The following GPN1 variants were observed in gnomAD, a reference collection of about 807,000 sequenced individuals.
GPN1 encodes the protein ATP(GTP)-binding protein.
Under a neutral mutation model 55.9 loss-of-function variants are expected in GPN1, and 44 were observed. The ratio of observed to expected loss-of-function variants is 0.79; its 90% CI spans 0.62 to 1.01. GPN1 has a LOEUF of 1.01. Among genes scored for constraint, GPN1 ranks in the 50% least tolerant of loss-of-function variants. GPN1 has a pLI of 0.00. For missense variants in GPN1, 466 were observed against 462.8 expected (o/e 1.01, Z -0.06); for synonymous variants, 179 against 162.5 (o/e 1.10, Z -0.77).
chr2:27,638,946 A>G lies in GPN1; in HGVS notation c.632A>G (p.Asp211Gly). Residue 211 changes from aspartate to glycine, a missense_variant, in exon 9 of 14, where the codon GAT (aspartate) becomes GGT (glycine). Physicochemically the swap from Asp to Gly is moderately conservative, Grantham distance 94 (BLOSUM62 -1). Coordinates refer to ENST00000610189, the MANE Select transcript of GPN1 (RefSeq NM_007266.4). ...EWMQDFEAFQ[D>G]ALNQETTYVS... ...ATGCAGGATTTTGAGGCTTTCCAAG[A>G]TGCCTTGAATCAAGAGACTACATAC... 1.2e-6 allele frequency: 2 copies of G among 1,613,664 alleles called. No homozygotes were observed. Among genetic ancestry groups the G allele is most frequent in the Non-Finnish European group, 1.7e-6 (2 of 1,179,576 alleles).
At chr2:27,636,808 T>C (rs1673751966) in intron 7 of GPN1, among the ~76,000 whole-genome samples, 2 of 152,214 alleles carry the variant, frequency 1.3e-5, no homozygotes, top group Non-Finnish European at 2.9e-5. Flanking sequence ...AGAAAATTAT[T>C]TGATTTGCCT....
intron 7 of GPN1, among the ~76,000 whole-genome samples, chr2:27,636,437 A>G (rs909033672): frequency 4.6e-5 from 7 of 152,226 alleles, no homozygotes; most frequent in Non-Finnish European, 1.0e-4. Context: ...TGTGATCCAA[A>G]TAGAAATCTG....
chr2:27,632,888 G>C (rs1673604301), intron 5 of GPN1, among the ~76,000 whole-genome samples: 1 of 152,082 alleles, frequency 6.6e-6, no homozygotes, highest in Non-Finnish European at 1.5e-5. Context: ...AATTTACATG[G>C]CTTCTTAGGA....
chr2:27,646,273 C>T (rs1674225381), intron 12 of GPN1, among the ~76,000 whole-genome samples: 3 of 152,140 alleles, frequency 2.0e-5, no homozygotes, highest in Admixed American at 2.0e-4. Flanking sequence ...AACTCCTGAC[C>T]TCAGGTGATC....
At chr2:27,633,319 GT>G (rs139972025) in intron 5 of GPN1, among the ~76,000 whole-genome samples, 3,846 of 152,092 alleles carry the variant, frequency 0.025, 74 homozygotes, top group African/African-American at 0.051. Context: ...CTTTTGTTTT[GT>G]TTTGAGACAG....
chr2:27,628,576 C>G, upstream of GPN1: 6 of 1,551,554 alleles, frequency 3.9e-6, no homozygotes, highest in Non-Finnish European at 5.2e-6. Flanking sequence ...TGCTGCCCAG[C>G]AACCCTGGAG....
rs370932847 is a variant in GPN1 at position 27,629,836 on chromosome 2, A to T, written c.112-23A>T. 6 of 1,358,588 alleles carry T rather than the reference A, an allele frequency of 4.4e-6. No individual in the cohort carries two copies. In the African/African-American group the frequency reaches 7.1e-5, roughly 16 times the overall value. 84.2% of individuals were successfully genotyped at this position (1,358,588 alleles called of 1,614,324 possible). On this transcript the variant is annotated intron_variant, in intron 1 of 13. Transcript: ENST00000610189. ...CTTGTCCCCTCTTTGTCTCCTTCCA[A>T]CCCTCTCCCCATATCTCTGCAGAGG...
At position 27,629,143 on chromosome 2, in the gene GPN1, G is replaced by A; in HGVS notation, c.85G>A (p.Gly29Arg). The change falls in exon 1 of 14, where the codon GGA (glycine) becomes AGA (arginine). Residue 29 changes from glycine to arginine, a missense_variant. By Grantham distance (125) the Gly-to-Arg change is moderately radical. Coordinates refer to ENST00000610189, the MANE Select transcript of GPN1 (RefSeq NM_007266.4). ...PVCLLVLGMAGSGKTTFVQRL... is the reference protein window; with the variant it reads ...PVCLLVLGMARSGKTTFVQRL... ...GTGTCTGTTGGTGTTGGGAATGGCG[G>A]GATCCGGGAAAACCACTTTTGTACA... The A allele has an allele frequency of 6.2e-7, 1 of 1,614,242 alleles. No individual in the cohort carries two copies. The highest frequency in any genetic ancestry group is 8.5e-7 in the Non-Finnish European group (1 of 1,180,046).
intron 13 of GPN1, among the ~76,000 whole-genome samples, chr2:27,648,408 G>T (rs970817405): frequency 6.6e-6 from 1 of 152,008 alleles, no homozygotes; most frequent in East Asian, 1.9e-4. Context: ...AGTTCAAGCT[G>T]TTTGGGAGGC....
upstream of GPN1, chr2:27,628,353 G>A: frequency 6.6e-7 from 1 of 1,506,992 alleles, no homozygotes; most frequent in Non-Finnish European, 8.9e-7. Flanking sequence ...GGGACCTTCA[G>A]TGACTGGAGG....
chr2:27,632,986 C>T (rs572632715), intron 5 of GPN1, among the ~76,000 whole-genome samples: 1 of 152,234 alleles, frequency 6.6e-6, no homozygotes, highest in Admixed American at 6.5e-5. Context: ...TCTGAAATAC[C>T]TTTCTAATTC....
At chr2:27,628,314 C>T, upstream of GPN1, 2 of 1,331,924 alleles carry the variant, frequency 1.5e-6, no homozygotes, top group South Asian at 1.5e-5. Flanking sequence ...ATTTTCTAGG[C>T]TCTTTCATCA....
intron 8 of GPN1, 42 bp from the exon 9 acceptor site, chr2:27,638,843 T>C (rs1673833298): frequency 6.4e-7 from 1 of 1,554,684 alleles, no homozygotes; most frequent in African/African-American, 1.4e-5. Flanking sequence ...ATTTTGCGTT[T>C]GTTGGCTCTG....
At chr2:27,630,053 C>T (rs754845260) in intron 2 of GPN1, 101 bp downstream of exon 2, 31 of 726,004 alleles carry the variant, frequency 4.3e-5, no homozygotes, top group Middle Eastern at 2.4e-4. Flanking sequence ...TTTGGGAGGC[C>T]GAGGCAGGTA....
intron 10 of GPN1, among the ~76,000 whole-genome samples, chr2:27,640,871 A>G (rs1673918236): frequency 6.6e-6 from 1 of 152,164 alleles, no homozygotes. Flanking sequence ...GTATCCTTTC[A>G]CTGTTGTTGT....
At position 27,629,159 on chromosome 2, in the gene GPN1, CT is replaced by C; in HGVS notation, c.105del (p.Phe35LeufsTer18). The part of the protein sequence containing the change: ...VLGMAGSGKT[T>X]FVQRLTGHLH... Reference sequence around the variant, plus strand: ...GGAATGGCGGGATCCGGGAAAACCACTTTTGTACAGGTGACGTACACAGCAT... The same window carrying C: ...GGAATGGCGGGATCCGGGAAAACCACTTTGTACAGGTGACGTACACAGCAT... On this transcript the variant is annotated frameshift_variant, in exon 1 of 14. Coordinates refer to ENST00000610189, the MANE Select transcript of GPN1 (RefSeq NM_007266.4). LOFTEE classifies it high-confidence loss of function. The C allele has an allele frequency of 6.2e-7, 1 of 1,614,190 alleles. No homozygotes were observed. Among genetic ancestry groups the C allele is most frequent in the Non-Finnish European group, 8.5e-7 (1 of 1,180,024 alleles).
At chr2:27,642,990 C>CACACACACACACAT (rs1674033347) in intron 12 of GPN1, among the ~76,000 whole-genome samples, 1 of 150,810 alleles carries the variant, frequency 6.6e-6, no homozygotes, top group Non-Finnish European at 1.5e-5. Context: ...CACACACACA[C>CACACACACACACAT]ACACATACAT....
chr2:27,647,855 G>A lies in GPN1; in HGVS notation c.951G>A (p.Leu317=), dbSNP rs1381281864. The change falls in exon 13 of 14, where the codon CTG becomes CTA. Residue 317 remains leucine, a synonymous_variant. Transcript: ENST00000610189. The part of the protein sequence containing the change: ...GTAKDSLSPV[L]HPSDLILTRG... Reference sequence around the variant, plus strand: ...CTGTAGACAGCTTATCTCCTGTGCTGCACCCTTCTGATTTGATCCTGACTC... The same window carrying A: ...CTGTAGACAGCTTATCTCCTGTGCTACACCCTTCTGATTTGATCCTGACTC... The A allele has an allele frequency of 6.2e-7, 1 of 1,611,236 alleles. No homozygotes were observed.
At chr2:27,638,696 C>T (rs895807733) in intron 8 of GPN1, among the ~76,000 whole-genome samples, 189 bp from the exon 9 acceptor site, 1 of 152,208 alleles carries the variant, frequency 6.6e-6, no homozygotes, top group African/African-American at 2.4e-5. Flanking sequence ...AGAGAATACA[C>T]ATCTTCATTT....
Sources: gnomAD v4.1 joint callset for allele counts (sites outside exome capture counted in the v4.1 genomes callset) on GRCh38, gnomAD v4.1.1 for gene constraint, MANE v1.5 for transcripts, NCBI Gene and HGNC (gene_info 2026-07-23, HGNC 2026-07-21) for gene names.